The following KATNIP variants were observed in gnomAD, a reference collection of about 807,000 sequenced individuals.
The protein encoded by KATNIP is katanin interacting protein.
In KATNIP, 126 loss-of-function variants were observed where a neutral mutation model predicts 174.0. The ratio of observed to expected loss-of-function variants is 0.72; its 90% CI spans 0.63 to 0.84. The LOEUF is 0.84. Ranked by LOEUF, KATNIP falls within the 40% of genes least tolerant of loss-of-function variation. The pLI, the probability that KATNIP is intolerant of heterozygous loss-of-function variation, is 0.00. For missense variants in KATNIP, 1,958 were observed against 2,109.7 expected (o/e 0.93, Z 1.41); for synonymous variants, 810 against 835.7 (o/e 0.97, Z 0.53).
chr16:27,713,029 A>G (rs1424439058), intron 13 of KATNIP, among the ~76,000 whole-genome samples: 1 of 151,954 alleles, frequency 6.6e-6, no homozygotes, highest in African/African-American at 2.4e-5. Context: ...GCTAATCTCG[A>G]TCTCCTGGCC....
intron 6 of KATNIP, among the ~76,000 whole-genome samples, chr16:27,664,010 C>T (rs554014932): frequency 1.3e-5 from 2 of 152,074 alleles, no homozygotes; most frequent in South Asian, 2.1e-4. Flanking sequence ...CAGGGACTTG[C>T]TATGTTGCCC....
intron 2 of KATNIP, among the ~76,000 whole-genome samples, chr16:27,600,013 C>A (rs2075464179): frequency 6.6e-6 from 1 of 152,212 alleles, no homozygotes; most frequent in Admixed American, 6.5e-5. Context: ...CTTCACCTGC[C>A]CCCTTTTAAA....
intron 6 of KATNIP, among the ~76,000 whole-genome samples, chr16:27,651,928 C>T (rs2077132880): frequency 6.6e-6 from 1 of 152,196 alleles, no homozygotes; most frequent in Non-Finnish European, 1.5e-5. Context: ...CCATGTTGGC[C>T]AGACTGGTCT....
At chr16:27,596,994 G>T (rs2075356810) in intron 2 of KATNIP, among the ~76,000 whole-genome samples, 1 of 152,186 alleles carries the variant, frequency 6.6e-6, no homozygotes, top group South Asian at 2.1e-4. Flanking sequence ...CTGCACTCCA[G>T]CCTGGGTGAC....
At chr16:27,645,201 T>C (rs2076922603) in intron 5 of KATNIP, among the ~76,000 whole-genome samples, 1 of 152,138 alleles carries the variant, frequency 6.6e-6, no homozygotes, top group Admixed American at 6.5e-5. Flanking sequence ...CTGTGCAGAG[T>C]TGATGCCGTG....
At position 27,677,755 on chromosome 16, in the gene KATNIP, T is replaced by G; in HGVS notation, c.567T>G (p.Ser189Arg). Residue 189 changes from serine to arginine, a missense_variant, in exon 7 of 28, where the codon AGT (serine) becomes AGG (arginine). Ser to Arg is a moderately radical substitution (Grantham distance 110, BLOSUM62 -1). Transcript: ENST00000261588. ...AGCTGAGAAGAAGCCTGGAACTTAG[T>G]GTAAATCTACAAAGGAAACAAAAGG... The part of the protein sequence containing the change: ...PQELRRSLEL[S>R]VNLQRKQKDC... The G allele has an allele frequency of 6.2e-7, 1 of 1,611,544 alleles. No individual in the cohort carries two copies.
At chr16:27,601,131 T>C (rs78719353) in intron 2 of KATNIP, among the ~76,000 whole-genome samples, 1,584 of 152,334 alleles carry the variant, frequency 0.01, 80 homozygotes, top group Admixed American at 0.086. Flanking sequence ...GGGATTTTTG[T>C]CTTCCTCCCT....
intron 6 of KATNIP, among the ~76,000 whole-genome samples, chr16:27,658,874 T>A (rs2077377553): frequency 6.6e-6 from 1 of 152,012 alleles, no homozygotes; most frequent in Admixed American, 6.6e-5. Flanking sequence ...GCAGTTCTCA[T>A]CCCTCAGCTT....
At chr16:27,720,622 C>A (rs771239681) in intron 13 of KATNIP, among the ~76,000 whole-genome samples, 6 of 150,112 alleles carry the variant, frequency 4.0e-5, no homozygotes, top group Non-Finnish European at 7.4e-5. Context: ...CTGACATGGA[C>A]GTGAAAAGAG....
intron 3 of KATNIP, 82 bp from the exon 4 acceptor site, chr16:27,628,579 C>G: frequency 7.0e-7 from 1 of 1,424,212 alleles, no homozygotes; most frequent in East Asian, 2.3e-5. Context: ...ACTGTGGGAA[C>G]AGCAGTTCAC....
rs115593270 is a variant in KATNIP, at chr16:27,640,849, A to C, written c.409-7755A>C. Among the ~76,000 whole-genome samples the C allele has an allele frequency of 6.7e-3, 1,019 of 152,126 alleles. 6 individuals carry two copies. The highest frequency in any genetic ancestry group is 0.023 in the African/African-American group (962 of 41,504). ...GGAAGACGGGAAAACCACAGACGAG[A>C]GAGAGGCCGGGCGCGGAGGCTCACG... On this transcript the variant is annotated intron_variant, in intron 5 of 27. Coordinates refer to ENST00000261588, the MANE Select transcript of KATNIP (RefSeq NM_015202.5).
intron 2 of KATNIP, among the ~76,000 whole-genome samples, chr16:27,608,749 A>G (rs935483086): frequency 5.9e-5 from 9 of 152,152 alleles, no homozygotes; most frequent in African/African-American, 9.7e-5. Context: ...CAGGGCCAGC[A>G]TTGGGGATAA....
At chr16:27,697,892 G>C (rs893985279) in intron 8 of KATNIP, among the ~76,000 whole-genome samples, 3 of 152,080 alleles carry the variant, frequency 2.0e-5, no homozygotes, top group African/African-American at 7.2e-5. Flanking sequence ...GTGTGTGTTT[G>C]TAAGCTATTT....
chr16:27,767,596 C>T (rs1470661027), intron 20 of KATNIP, among the ~76,000 whole-genome samples: 1 of 152,160 alleles, frequency 6.6e-6, no homozygotes, highest in African/African-American at 2.4e-5. Context: ...CACCTGTAGT[C>T]CCAGCCATTC....
rs774542383 is a variant in KATNIP, at chr16:27,749,926, A to C, written c.2966A>C (p.His989Pro). 6.2e-7 allele frequency: 1 copy of C among 1,614,208 alleles called. No individual in the cohort carries two copies. Among genetic ancestry groups the C allele is most frequent in the South Asian group, 1.1e-5 (1 of 91,084 alleles). The change falls in exon 16 of 28, where the codon CAC (histidine) becomes CCC (proline). Residue 989 changes from histidine to proline, a missense_variant. Physicochemically the swap from His to Pro is moderately conservative, Grantham distance 77. Coordinates refer to ENST00000261588, the MANE Select transcript of KATNIP (RefSeq NM_015202.5). ...IDIKSTWGDR[H>P]YVGLNGIEIF... ...ATCAAGTCTACCTGGGGGGACAGAC[A>C]CTATGTCGGCCTCAACGGAATAGAA...
intron 22 of KATNIP, 85 bp downstream of exon 22, chr16:27,771,737 G>GGCCACAGATGAGGCA (rs2031896523): frequency 4.3e-6 from 6 of 1,406,778 alleles, no homozygotes; most frequent in Non-Finnish European, 5.0e-6. Flanking sequence ...GGTTTCAGGC[G>GGCCACAGATGAGGCA]GCCACAGATG....
chr16:27,581,959 A>G (rs1272922258), intron 2 of KATNIP, among the ~76,000 whole-genome samples: 1 of 152,154 alleles, frequency 6.6e-6, no homozygotes, highest in African/African-American at 2.4e-5. Context: ...TCCATCATAT[A>G]TACATACCAC....
intron 13 of KATNIP, among the ~76,000 whole-genome samples, chr16:27,716,621 T>C (rs952935832): frequency 1.3e-5 from 2 of 152,164 alleles, no homozygotes; most frequent in African/African-American, 4.8e-5. Context: ...TGTGTGTACA[T>C]GTATATATTT....
chr16:27,763,751 A>C (rs889400423), intron 19 of KATNIP, among the ~76,000 whole-genome samples: 1 of 152,134 alleles, frequency 6.6e-6, no homozygotes. Context: ...AGATCCAGAT[A>C]AGGTCTATGT....
Sources: allele counts gnomAD v4.1 joint callset (sites outside exome capture counted in the v4.1 genomes callset), GRCh38; gene constraint gnomAD v4.1.1; transcripts MANE v1.5; gene names NCBI Gene and HGNC (gene_info 2026-07-23, HGNC 2026-07-21).